The following WFDC2 variants were observed in gnomAD, a reference collection of about 807,000 sequenced individuals.
The protein encoded by WFDC2 is WAP four-disulfide core domain protein 2.
WFDC2 carries 8 observed loss-of-function variants against 12.5 expected under a neutral mutation model. The observed-to-expected ratio is 0.64, with a 90% CI of 0.37 to 1.15. The LOEUF (loss-of-function observed/expected upper bound fraction) is 1.15. Ranked by LOEUF, WFDC2 falls within the 50% of genes most tolerant of loss-of-function variation. The pLI is 0.01. For missense variants in WFDC2, 166 were observed against 159.9 expected (o/e 1.04, Z -0.21); for synonymous variants, 74 against 67.2 (o/e 1.10, Z -0.49).
At position 45,470,603 on chromosome 20, in the gene WFDC2, G is replaced by A. The variant is rs1015512340; in HGVS notation, c.223+71G>A. 6.7e-7 allele frequency: 1 copy of A among 1,485,880 alleles called. No homozygotes were observed. The allele number at this position is 1,485,880 out of a possible 1,614,324, so 92.0% of individuals were successfully genotyped here. A position where few individuals can be genotyped will look rare whatever the true frequency, so the allele number is the denominator to read the frequency against. On this transcript the variant is annotated intron_variant, in intron 2 of 3. Coordinates refer to ENST00000372676, the MANE Select transcript of WFDC2 (RefSeq NM_006103.4). This position sits in a 1 kb window ranked among gnomAD's most constrained non-coding sequence, Gnocchi z 5.4. Reference sequence around the variant, plus strand: ...GCTGGGAGGAGGTGGGAGGGCCCGGGTTCCGGGAACAGGGGCGCCCCCGGA... The same window carrying A: ...GCTGGGAGGAGGTGGGAGGGCCCGGATTCCGGGAACAGGGGCGCCCCCGGA...
intron 2 of WFDC2, chr20:45,471,154 C>T: frequency 2.1e-6 from 1 of 471,292 alleles, no homozygotes; most frequent in South Asian, 1.5e-5. Flanking sequence ...GCCTTTCAGG[C>T]CAACTGGCTG....
intron 2 of WFDC2, 83 bp from the exon 3 acceptor site, chr20:45,479,859 C>G: frequency 6.2e-7 from 1 of 1,613,980 alleles, no homozygotes. Flanking sequence ...CAGTGAGGGG[C>G]AGTGGGGGGG....
Position 45,469,875 on chromosome 20 carries a change from G to C in WFDC2, c.79+15G>C. On this transcript the variant is annotated intron_variant, in intron 1 of 3. Coordinates refer to ENST00000372676, the MANE Select transcript of WFDC2 (RefSeq NM_006103.4). Reference sequence around the variant, plus strand: ...CCTAGTCTCAGGTGAGTGGGGCGGGGAGAGGCCCGGCGCCTAGAGGGGCCG... The same window carrying C: ...CCTAGTCTCAGGTGAGTGGGGCGGGCAGAGGCCCGGCGCCTAGAGGGGCCG... 6.3e-7 allele frequency: 1 copy of C among 1,595,392 alleles called. No individual in the cohort carries two copies. The highest frequency in any genetic ancestry group is 8.5e-7 in the Non-Finnish European group (1 of 1,171,674).
intron 2 of WFDC2, among the ~76,000 whole-genome samples, chr20:45,474,536 C>T (rs917829485): frequency 6.6e-5 from 10 of 152,202 alleles, no homozygotes; most frequent in African/African-American, 2.4e-4. Flanking sequence ...CCAACTTGAT[C>T]ATGGTGGATA....
At chr20:45,475,744 T>A (rs1332967811) in intron 2 of WFDC2, among the ~76,000 whole-genome samples, 1 of 152,220 alleles carries the variant, frequency 6.6e-6, no homozygotes, top group Non-Finnish European at 1.5e-5. Flanking sequence ...TAATTTTCCG[T>A]CTCATTGATC....
intron 2 of WFDC2, among the ~76,000 whole-genome samples, chr20:45,474,916 T>A (rs546280988): frequency 6.6e-6 from 1 of 152,358 alleles, no homozygotes; most frequent in East Asian, 1.9e-4. Flanking sequence ...GGAGGGTGTA[T>A]GTGTCCAGGA....
intron 2 of WFDC2, among the ~76,000 whole-genome samples, chr20:45,479,000 A>G (rs183228871): frequency 3.9e-5 from 6 of 152,320 alleles, no homozygotes; most frequent in African/African-American, 1.4e-4. Context: ...TAGCAGCTTT[A>G]TTTATAATTG....
At position 45,470,873 on chromosome 20, in the gene WFDC2, C is replaced by T. The variant is rs370409596; in HGVS notation, c.223+341C>T. On this transcript the variant is annotated intron_variant, in intron 2 of 3. Transcript: ENST00000372676. This position sits in a 1 kb window ranked among gnomAD's most constrained non-coding sequence, Gnocchi z 5.4. ...CTCGAACCGGCCGAAGCCTGCCCTG[C>T]GGGAAAGCCCGGAGCCTGGGGCGCT... 2.9e-4 allele frequency among the ~76,000 whole-genome samples: 44 copies of T among 152,250 alleles called. No individual in the cohort carries two copies. Among genetic ancestry groups the T allele is most frequent in the Admixed American group, 1.3e-3 (20 of 15,304 alleles).
At chr20:45,481,115 A>G (rs1991296036) in intron 3 of WFDC2, among the ~76,000 whole-genome samples, 1 of 152,162 alleles carries the variant, frequency 6.6e-6, no homozygotes, top group Non-Finnish European at 1.5e-5. Context: ...CTGGGACCAC[A>G]GTATACCCAG....
At chr20:45,479,887 G>A (rs773100368) in intron 2 of WFDC2, 55 bp from the exon 3 acceptor site, 2 of 1,614,220 alleles carry the variant, frequency 1.2e-6, no homozygotes, top group Non-Finnish European at 1.7e-6. Flanking sequence ...GCAGGTACAA[G>A]TTAATCTCCC....
intron 2 of WFDC2, among the ~76,000 whole-genome samples, chr20:45,478,654 C>G (rs374824402): frequency 9.2e-5 from 14 of 151,582 alleles, no homozygotes; most frequent in African/African-American, 3.4e-4. Flanking sequence ...GAGATGGAGT[C>G]TCGCTCTGTC....
intron 2 of WFDC2, among the ~76,000 whole-genome samples, chr20:45,478,783 G>A (rs1320024739): frequency 2.0e-5 from 3 of 151,926 alleles, no homozygotes; most frequent in Admixed American, 6.6e-5. Flanking sequence ...ATGCCACCAC[G>A]CCCAGTTAAC....
rs192502548 is a variant in WFDC2 at position 45,479,625 on chromosome 20, C to T, written c.224-317C>T. On this transcript the variant is annotated intron_variant, in intron 2 of 3. Transcript: ENST00000372676. ...TTGTTTCCCACTGCTTTCACAACAA[C>T]CCTATGTTGTAATTAGCACTGTTCC... The T allele has an allele frequency of 2.8e-5, 43 of 1,538,500 alleles. No individual in the cohort carries two copies. In the East Asian group the frequency reaches 9.7e-4, roughly 35 times the overall value.
chr20:45,479,912 CCACTTACCCTTACT>C lies in WFDC2; in HGVS notation c.224-28_224-15del. ...GTTAATCTCCCTGTATCGCCTCTGC[CCACTTACCCTTACT>C]CCTTTTTCTACCCAGATAAGGAGGG... On this transcript the variant is annotated splice_polypyrimidine_tract_variant and intron_variant, in intron 2 of 3. Coordinates refer to ENST00000372676, the MANE Select transcript of WFDC2 (RefSeq NM_006103.4). 6.2e-7 allele frequency: 1 copy of C among 1,614,086 alleles called. No homozygotes were observed. Among genetic ancestry groups the C allele is most frequent in the Non-Finnish European group, 8.5e-7 (1 of 1,180,038 alleles).
rs922041819 is a variant in WFDC2 at position 45,470,631 on chromosome 20, C to T, written c.223+99C>T. ...CCGGGAACAGGGGCGCCCCCGGACC[C>T]GGGGACCCCCGGGAAAGTCAAGGCG... On this transcript the variant is annotated intron_variant, in intron 2 of 3. Coordinates refer to ENST00000372676, the MANE Select transcript of WFDC2 (RefSeq NM_006103.4). The surrounding 1 kb of genome is among the most constrained non-coding windows in gnomAD (Gnocchi z 5.4). The T allele has an allele frequency of 5.6e-6, 8 of 1,427,368 alleles. No homozygotes were observed. Among genetic ancestry groups the T allele is most frequent in the African/African-American group, 1.4e-5 (1 of 69,498 alleles). The allele number at this position is 1,427,368 out of a possible 1,614,324, so 88.4% of individuals were successfully genotyped here. A position where few individuals can be genotyped will look rare whatever the true frequency, so the allele number is the denominator to read the frequency against.
chr20:45,474,913 G>A (rs1269294232), intron 2 of WFDC2, among the ~76,000 whole-genome samples: 1 of 152,192 alleles, frequency 6.6e-6, no homozygotes, highest in Non-Finnish European at 1.5e-5. Context: ...TTGGGAGGGT[G>A]TATGTGTCCA....
chr20:45,481,144 C>T (rs550446945), intron 3 of WFDC2, among the ~76,000 whole-genome samples: 2 of 152,082 alleles, frequency 1.3e-5, no homozygotes, highest in East Asian at 1.9e-4. Context: ...TAGGGATGGT[C>T]TGACCACAGT....
Position 45,470,348 on chromosome 20 carries a change from G to A in WFDC2, c.80-41G>A, listed in dbSNP as rs1443468319. 2 of 1,544,224 alleles carry A rather than the reference G, an allele frequency of 1.3e-6. No homozygotes were observed. The highest frequency in any genetic ancestry group is 1.4e-5 in the African/African-American group (1 of 73,088). ...GAGGTGGGCATCCTCTGGGGCTGGC[G>A]CTACGCCCCACCCTCGACTGTCCCG... On this transcript the variant is annotated intron_variant, in intron 1 of 3. Transcript: ENST00000372676. This position sits in a 1 kb window ranked among gnomAD's most constrained non-coding sequence, Gnocchi z 5.4.
At chr20:45,479,570 T>G (rs1022349334) in intron 2 of WFDC2, 1 of 1,161,442 alleles carries the variant, frequency 8.6e-7, no homozygotes, top group Non-Finnish European at 1.3e-6. Context: ...TACAGAGTAG[T>G]TTGATATTTC....
Sources: gnomAD v4.1 joint callset for allele counts (sites outside exome capture counted in the v4.1 genomes callset) on GRCh38, gnomAD v4.1.1 for gene constraint, Gnocchi (gnomAD v3.1) non-coding constraint, MANE v1.5 for transcripts, NCBI Gene and HGNC (gene_info 2026-07-23, HGNC 2026-07-21) for gene names.